ZNF774: variants seen among roughly 807,000 people sequenced by gnomAD.
ZNF774 encodes the protein zinc finger protein 774.
Under a neutral mutation model 11.1 loss-of-function variants are expected in ZNF774, and 14 were observed. The ratio of observed to expected loss-of-function variants is 1.26; its 90% confidence interval spans 0.83 to 1.97. ZNF774 has a LOEUF of 1.97. Ranked by LOEUF, ZNF774 falls within the 30% of genes most tolerant of loss-of-function variation. ZNF774 has a pLI of 0.00. For missense variants in ZNF774, 599 were observed against 587.0 expected (o/e 1.02, Z -0.21); for synonymous variants, 195 against 212.6 (o/e 0.92, Z 0.72).
At chr15:90,357,577 G>A (rs930756846) in intron 2 of ZNF774, among the ~76,000 whole-genome samples, 30 of 152,116 alleles carry the variant, frequency 2.0e-4, no homozygotes, top group Non-Finnish European at 2.9e-4. Flanking sequence ...AACATTTATT[G>A]AAGTTTTTTT....
rs768468984 is a variant in ZNF774 at position 90,358,891 on chromosome 15, G to C, written c.145G>C (p.Glu49Gln). 5.0e-6 allele frequency: 8 copies of C among 1,613,304 alleles called. No homozygotes were observed. The East Asian group carries it at 1.3e-4, about 27-fold the overall frequency. ...PSVISQPEQKEEPWVLPLQNF... is the reference protein window; with the variant it reads ...PSVISQPEQKQEPWVLPLQNF... ...TGTAATCTCCCAGCCGGAGCAGAAA[G>C]AAGAGCCATGGGTCCTACCACTCCA... Residue 49 changes from glutamate (E) to glutamine (Q), a missense_variant, in exon 3 of 4, where the codon GAA becomes CAA. By Grantham distance (29) the Glu-to-Gln change is conservative (BLOSUM62 2). Transcript: ENST00000354377.
chr15:90,358,215 T>G (rs1006778420), intron 2 of ZNF774, among the ~76,000 whole-genome samples: 1 of 152,140 alleles, frequency 6.6e-6, no homozygotes, highest in South Asian at 2.1e-4. Flanking sequence ...ATGAAGACAT[T>G]GAGACACAGA....
intron 2 of ZNF774, among the ~76,000 whole-genome samples, chr15:90,356,700 TG>T (rs1793255936): frequency 6.6e-6 from 1 of 152,268 alleles, no homozygotes; most frequent in Admixed American, 6.5e-5. Context: ...TCTTCCATGT[TG>T]TATTGTGAGT....
At position 90,360,147 on chromosome 15, in the gene ZNF774, A is replaced by C; in HGVS notation, c.316A>C (p.Ser106Arg). The change falls in exon 4 of 4, where the codon AGT (serine) becomes CGT (arginine). Residue 106 changes from serine (S) to arginine (R), a missense_variant. Coordinates refer to ENST00000354377, the MANE Select transcript of ZNF774 (RefSeq NM_001004309.3). Reference protein sequence around the residue: ...RTNKDLSHTLSWGGNWEQGLE... With the variant: ...RTNKDLSHTLRWGGNWEQGLE... ...CAATAAAGATCTTTCTCATACTCTT[A>C]GTTGGGGAGGAAACTGGGAGCAAGG... 6.2e-7 allele frequency: 1 copy of C among 1,614,164 alleles called. No individual in the cohort carries two copies. The highest frequency in any genetic ancestry group is 8.5e-7 in the Non-Finnish European group (1 of 1,180,002).
In ZNF774 at chr15:90,360,189, C is replaced by T. The variant is rs562981530; in HGVS notation, c.358C>T (p.Gln120Ter). Residue 120 changes from glutamine (Q) to a stop codon, truncating the protein, a stop_gained, in exon 4 of 4, where the codon CAA becomes TAA. Coordinates refer to ENST00000354377, the MANE Select transcript of ZNF774 (RefSeq NM_001004309.3). LOFTEE classifies it low-confidence loss of function (END_TRUNC). ...GGAGCAAGGCCTAGAATTAGAAGGG[C>T]AACATGGAACCCTTCCAGGAGAGGG... is the stretch of plus-strand genomic sequence containing the variant. ...NWEQGLELEG[Q>*]HGTLPGEGQL... The T allele has an allele frequency of 7.4e-6, 12 of 1,614,136 alleles. No individual in the cohort carries two copies. Among genetic ancestry groups the T allele is most frequent in the African/African-American group, 2.7e-5 (2 of 75,020 alleles).
chr15:90,359,462 T>C (rs1964294807), intron 3 of ZNF774, among the ~76,000 whole-genome samples: 1 of 152,044 alleles, frequency 6.6e-6, no homozygotes. Flanking sequence ...GTCTAACCTA[T>C]GTTTTTTTTT....
intron 2 of ZNF774, among the ~76,000 whole-genome samples, chr15:90,355,733 A>AAAAC (rs1964236040): frequency 6.9e-6 from 1 of 145,556 alleles, no homozygotes; most frequent in African/African-American, 2.5e-5. Flanking sequence ...AAAAAAAAAA[A>AAAAC]AAAAAAAAAA....
In ZNF774 at chr15:90,362,183, T is replaced by C. The variant is rs1213574185; in HGVS notation, c.*900T>C. 2 of 222,042 alleles carry C rather than the reference T, an allele frequency of 9.0e-6. No homozygotes were observed. Among genetic ancestry groups the C allele is most frequent in the Non-Finnish European group, 1.8e-5 (2 of 109,686 alleles). The allele number at this position is 222,042 out of a possible 1,614,324, so 13.8% of individuals were successfully genotyped here. Reference sequence around the variant, plus strand: ...GAAATGCACTGCCAGTTCAGTGCTGTGCAGGCATTAGTCACCAGAGGTCTC... The same window carrying C: ...GAAATGCACTGCCAGTTCAGTGCTGCGCAGGCATTAGTCACCAGAGGTCTC... On this transcript the variant is annotated 3_prime_UTR_variant, in exon 4 of 4. Transcript: ENST00000354377.
rs1567102101 is a variant in ZNF774 at position 90,360,177 on chromosome 15, G to A, written c.346G>A (p.Glu116Lys). ...GGGAGGAAACTGGGAGCAAGGCCTA[G>A]AATTAGAAGGGCAACATGGAACCCT... ...SWGGNWEQGLELEGQHGTLPG... is the reference protein window; with the variant it reads ...SWGGNWEQGLKLEGQHGTLPG... Residue 116 changes from glutamate (E) to lysine (K), a missense_variant, in exon 4 of 4, where the codon GAA becomes AAA. Glu to Lys is a moderately conservative substitution (Grantham distance 56, BLOSUM62 1). Coordinates refer to ENST00000354377, the MANE Select transcript of ZNF774 (RefSeq NM_001004309.3). The A allele has an allele frequency of 6.2e-7, 1 of 1,614,214 alleles. No individual in the cohort carries two copies. The highest frequency in any genetic ancestry group is 2.2e-5 in the East Asian group (1 of 44,882).
rs761275502 is a variant in ZNF774 at position 90,360,863 on chromosome 15, G to T, written c.1032G>T (p.Glu344Asp). 6.2e-7 allele frequency: 1 copy of T among 1,614,164 alleles called. No individual in the cohort carries two copies. Among genetic ancestry groups the T allele is most frequent in the Non-Finnish European group, 8.5e-7 (1 of 1,180,028 alleles). ...FVAHMSTHSG[E>D]RPFSCPDCHK... ...CTCACATGAGCACTCATTCAGGAGA[G>T]AGGCCTTTCAGTTGTCCTGACTGCC... The change falls in exon 4 of 4, where the codon GAG (glutamate) becomes GAT (aspartate). Residue 344 changes from glutamate (E) to aspartate (D), a missense_variant. Transcript: ENST00000354377.
At position 90,360,210 on chromosome 15, in the gene ZNF774, G is replaced by A. The variant is rs1457412382; in HGVS notation, c.379G>A (p.Glu127Lys). 1 of 1,614,096 alleles carries A rather than the reference G, an allele frequency of 6.2e-7. No homozygotes were observed. ...AGGGCAACATGGAACCCTTCCAGGA[G>A]AGGGCCAGCTGGAGTCCTTTTCACA... ...LEGQHGTLPG[E>K]GQLESFSQER... is the part of the protein sequence containing the mutation. The change falls in exon 4 of 4, where the codon GAG becomes AAG. Residue 127 changes from glutamate to lysine, a missense_variant. Transcript: ENST00000354377.
rs1964335949 is a variant in ZNF774, at chr15:90,361,403, CT to C, written c.*121del. The stretch of plus-strand genomic sequence containing the variant: ...CAATTTGGGCCCTGATCTATTCTCC[CT>C]CTTTCTTGTCTATGTTATAACAGAG... On this transcript the variant is annotated 3_prime_UTR_variant, in exon 4 of 4. Transcript: ENST00000354377. 1 of 1,492,906 alleles carries C rather than the reference CT, an allele frequency of 6.7e-7. No homozygotes were observed. Among genetic ancestry groups the C allele is most frequent in the African/African-American group, 1.4e-5 (1 of 71,460 alleles). The allele number at this position is 1,492,906 out of a possible 1,614,324, so 92.5% of individuals were successfully genotyped here.
At chr15:90,353,627 C>T (rs913003610) in intron 1 of ZNF774, among the ~76,000 whole-genome samples, 1 of 150,592 alleles carries the variant, frequency 6.6e-6, no homozygotes, top group Non-Finnish European at 1.5e-5. Context: ...GACAGGGGCT[C>T]ACTCTGTTGC....
chr15:90,354,741 G>A lies in ZNF774; in HGVS notation c.81G>A (p.Gln27=), dbSNP rs763735655. Residue 27 remains glutamine, a synonymous_variant, in exon 2 of 4, where the codon CAG becomes CAA. Coordinates refer to ENST00000354377, the MANE Select transcript of ZNF774 (RefSeq NM_001004309.3). ...CTCTCCAGGAATGCCACCCAGCACAGTTAGAAGAATGGGCTCTCAAAGGGT... is the reference window on the plus strand; with the variant it reads ...CTCTCCAGGAATGCCACCCAGCACAATTAGAAGAATGGGCTCTCAAAGGGT... ...ENPLQECHPA[Q]LEEWALKGIS... The A allele has an allele frequency of 5.0e-6, 8 of 1,612,232 alleles. No homozygotes were observed. In the African/African-American group the frequency reaches 1.1e-4, roughly 22 times the overall value.
At chr15:90,355,788 T>C (rs991299994) in intron 2 of ZNF774, among the ~76,000 whole-genome samples, 2 of 148,936 alleles carry the variant, frequency 1.3e-5, no homozygotes, top group African/African-American at 5.0e-5. Flanking sequence ...CCCAGCACTT[T>C]GGGAGGCCAA....
At position 90,361,284 on chromosome 15, in the gene ZNF774, G is replaced by A. The variant is rs1964333897; in HGVS notation, c.*1G>A. On this transcript the variant is annotated 3_prime_UTR_variant, in exon 4 of 4. Transcript: ENST00000354377. ...CCATCAAAACACCCATTTGATTTAG[G>A]AAGTAGTCTTTGGTGTTCAGCTGCT... 6.3e-7 allele frequency: 1 copy of A among 1,591,832 alleles called. No homozygotes were observed. The highest frequency in any genetic ancestry group is 8.6e-7 in the Non-Finnish European group (1 of 1,167,830).
rs749329224 is a variant in ZNF774, at chr15:90,360,549, T to G, written c.718T>G (p.Cys240Gly). 27 of 1,613,512 alleles carry G rather than the reference T, an allele frequency of 1.7e-5. No homozygotes were observed. The highest frequency in any genetic ancestry group is 2.1e-5 in the Non-Finnish European group (25 of 1,179,932). The change falls in exon 4 of 4, where the codon TGT (cysteine) becomes GGT (glycine). Residue 240 changes from cysteine to glycine, a missense_variant. By Grantham distance (159) the Cys-to-Gly change is radical. Transcript: ENST00000354377. ...GGAGAGACCCTATGAGTGCCCAGAG[T>G]GTGGAAAGACTTTTGGGCGGAAGCC... ...TGERPYECPE[C>G]GKTFGRKPHL...
In ZNF774 at chr15:90,360,186, G is replaced by T. The variant is rs1157299667; in HGVS notation, c.355G>T (p.Gly119Trp). Residue 119 changes from glycine (G) to tryptophan (W), a missense_variant, in exon 4 of 4, where the codon GGG (glycine) becomes TGG (tryptophan). Physicochemically the swap from Gly to Trp is radical, Grantham distance 184. Coordinates refer to ENST00000354377, the MANE Select transcript of ZNF774 (RefSeq NM_001004309.3). ...CTGGGAGCAAGGCCTAGAATTAGAAGGGCAACATGGAACCCTTCCAGGAGA... is the reference window on the plus strand; with the variant it reads ...CTGGGAGCAAGGCCTAGAATTAGAATGGCAACATGGAACCCTTCCAGGAGA... ...GNWEQGLELE[G>W]QHGTLPGEGQ... The T allele has an allele frequency of 6.2e-7, 1 of 1,614,160 alleles. No homozygotes were observed.
chr15:90,356,043 AAT>A (rs1225182285), intron 2 of ZNF774, among the ~76,000 whole-genome samples: 21 of 106,182 alleles, frequency 2.0e-4, no homozygotes, highest in African/African-American at 6.0e-4. Flanking sequence ...AAAAAAAATA[AAT>A]AAAAAAAACC....
Sources: allele counts gnomAD v4.1 joint callset (sites outside exome capture counted in the v4.1 genomes callset), GRCh38; gene constraint gnomAD v4.1.1; transcripts MANE v1.5; gene names NCBI Gene and HGNC (gene_info 2026-07-23, HGNC 2026-07-21).